KCND2: variants seen among roughly 807,000 people sequenced by gnomAD.
KCND2 encodes A-type voltage-gated potassium channel KCND2.
KCND2 carries 16 observed loss-of-function variants against 54.4 expected under a neutral mutation model. The observed-to-expected ratio is 0.29, with a 90% CI of 0.20 to 0.45. The LOEUF (loss-of-function observed/expected upper bound fraction) is 0.45, where lower values mean the gene tolerates loss of function less well. Ranked by LOEUF, KCND2 falls within the 20% of genes least tolerant of loss-of-function variation. The pLI is 1.00. For synonymous variants in KCND2, 317 were observed against 310.7 expected (o/e 1.02, Z -0.21); for missense variants, 486 against 824.2 (o/e 0.59, Z 5.02).
At chr7:120,369,570 T>A (rs1464656712) in intron 1 of KCND2, among the ~76,000 whole-genome samples, 1 of 152,210 alleles carries the variant, frequency 6.6e-6, no homozygotes, top group Non-Finnish European at 1.5e-5. Flanking sequence ...AATCCAGATG[T>A]AGAGTCTGCA....
intron 1 of KCND2, among the ~76,000 whole-genome samples, chr7:120,651,563 C>T (rs1258537635): frequency 3.3e-5 from 5 of 152,156 alleles, no homozygotes; most frequent in Non-Finnish European, 5.9e-5. Flanking sequence ...CTTGCACTTC[C>T]CGTGTGAGGC....
chr7:120,612,212 A>C (rs1353838573), intron 1 of KCND2, among the ~76,000 whole-genome samples: 3 of 152,186 alleles, frequency 2.0e-5, no homozygotes, highest in African/African-American at 7.2e-5. Context: ...CTCAGGCTGA[A>C]TTTGAACAAG....
At chr7:120,411,987 T>C (rs1384906832) in intron 1 of KCND2, among the ~76,000 whole-genome samples, 1 of 151,976 alleles carries the variant, frequency 6.6e-6, no homozygotes. Context: ...AGCAACCAGA[T>C]GGTCAGATAG....
chr7:120,293,894 A>C (rs944798593), intron 1 of KCND2, among the ~76,000 whole-genome samples: 5 of 151,936 alleles, frequency 3.3e-5, no homozygotes, highest in African/African-American at 1.2e-4. Flanking sequence ...TGTAATGTCA[A>C]CTGTGAGTCT....
chr7:120,349,134 C>G (rs1300604388), intron 1 of KCND2, among the ~76,000 whole-genome samples: 1 of 152,094 alleles, frequency 6.6e-6, no homozygotes, highest in African/African-American at 2.4e-5. Context: ...CTTGCAATTG[C>G]CACTTTCTTA....
intron 1 of KCND2, among the ~76,000 whole-genome samples, chr7:120,510,807 C>T (rs1803102011): frequency 1.3e-5 from 2 of 151,922 alleles, no homozygotes; most frequent in South Asian, 4.2e-4. Flanking sequence ...CAGCTTTTCT[C>T]CTCTGTCAAT....
intron 1 of KCND2, among the ~76,000 whole-genome samples, chr7:120,635,315 T>A (rs1440725810): frequency 6.6e-6 from 1 of 152,202 alleles, no homozygotes; most frequent in African/African-American, 2.4e-5. Flanking sequence ...GGGATAGGAA[T>A]CAATATATTT....
intron 1 of KCND2, among the ~76,000 whole-genome samples, chr7:120,712,246 T>TC (rs1792549622): frequency 2.6e-5 from 1 of 39,060 alleles, no homozygotes; most frequent in Non-Finnish European, 4.5e-5. Context: ...TCTGAATTTT[T>TC]TTTTTTTTTT....
At chr7:120,432,372 A>G (rs1183881547) in intron 1 of KCND2, among the ~76,000 whole-genome samples, 1 of 152,130 alleles carries the variant, frequency 6.6e-6, no homozygotes, top group African/African-American at 2.4e-5. Flanking sequence ...TTAATAACCT[A>G]AGAAAACATC....
intron 1 of KCND2, among the ~76,000 whole-genome samples, chr7:120,414,037 G>T (rs939230441): frequency 2.0e-5 from 3 of 151,444 alleles, no homozygotes; most frequent in African/African-American, 7.3e-5. Flanking sequence ...TGATGATGAG[G>T]TTCTAAGTCT....
intron 1 of KCND2, among the ~76,000 whole-genome samples, chr7:120,405,859 G>A (rs1022560718): frequency 2.0e-5 from 3 of 152,070 alleles, no homozygotes; most frequent in South Asian, 2.1e-4. Context: ...CACCAGGAAA[G>A]CTCCTGGGAA....
At chr7:120,283,331 G>A (rs1799292769) in intron 1 of KCND2, among the ~76,000 whole-genome samples, 2 of 152,120 alleles carry the variant, frequency 1.3e-5, no homozygotes, top group African/African-American at 4.8e-5. Context: ...AGATGAAAGG[G>A]GGAGCCATTA....
chr7:120,738,604 AC>A (rs1792902657), intron 2 of KCND2, among the ~76,000 whole-genome samples: 1 of 152,078 alleles, frequency 6.6e-6, no homozygotes, highest in African/African-American at 2.4e-5. Flanking sequence ...AAAATAAAGT[AC>A]TTACTGAAAC....
At chr7:120,712,155 C>T (rs1212907804) in intron 1 of KCND2, among the ~76,000 whole-genome samples, 1 of 128,152 alleles carries the variant, frequency 7.8e-6, no homozygotes, top group Non-Finnish European at 1.6e-5. Flanking sequence ...TGTCGTGGTA[C>T]GTCTAATTCT....
At chr7:120,304,070 C>T (rs181076542) in intron 1 of KCND2, among the ~76,000 whole-genome samples, 21 of 152,174 alleles carry the variant, frequency 1.4e-4, no homozygotes, top group African/African-American at 4.8e-4. Context: ...ATACTTGTAC[C>T]AGCAATGAAC....
intron 1 of KCND2, among the ~76,000 whole-genome samples, chr7:120,438,185 T>C (rs892959288): frequency 6.6e-6 from 1 of 152,188 alleles, no homozygotes; most frequent in Non-Finnish European, 1.5e-5. Context: ...CAATTTTAGA[T>C]ATTTGGCAGC....
intron 1 of KCND2, among the ~76,000 whole-genome samples, chr7:120,458,564 A>C (rs1330223826): frequency 6.6e-6 from 1 of 152,202 alleles, no homozygotes; most frequent in African/African-American, 2.4e-5. Flanking sequence ...GTAACTGTCT[A>C]GATTGAGGGA....
chr7:120,579,298 A>G (rs1345501318), intron 1 of KCND2, among the ~76,000 whole-genome samples: 1 of 151,594 alleles, frequency 6.6e-6, no homozygotes, highest in African/African-American at 2.4e-5. Flanking sequence ...TTTATCTTTT[A>G]GTTTTTTCTT....
At chr7:120,653,672 A>G (rs1791767017) in intron 1 of KCND2, among the ~76,000 whole-genome samples, 1 of 152,192 alleles carries the variant, frequency 6.6e-6, no homozygotes, top group African/African-American at 2.4e-5. Flanking sequence ...GTAGGGATAA[A>G]AAGGAGATGT....
Sources: gnomAD v4.1 joint callset for allele counts (sites outside exome capture counted in the v4.1 genomes callset) on GRCh38, gnomAD v4.1.1 for gene constraint, MANE v1.5 for transcripts, NCBI Gene and HGNC (gene_info 2026-07-23, HGNC 2026-07-21) for gene names.